The following CLIC4 variants were observed in gnomAD, a reference collection of about 807,000 sequenced individuals.
CLIC4 encodes the protein CLIC family member 4.
A neutral mutation model predicts 24.6 loss-of-function variants in CLIC4; 13 were observed. The ratio of observed to expected loss-of-function variants is 0.53; its 90% CI spans 0.34 to 0.84. The LOEUF (loss-of-function observed/expected upper bound fraction) is 0.84, where lower values mean the gene tolerates loss of function less well. CLIC4 is among the 40% of genes least tolerant of loss of function. The pLI is 0.01. For synonymous variants in CLIC4, 104 were observed against 111.3 expected, an observed-to-expected ratio of 0.93 and a Z score of 0.41; for missense variants, 227 against 301.7, an observed-to-expected ratio of 0.75 and a Z score of 1.83.
intron 4 of CLIC4, among the ~76,000 whole-genome samples, chr1:24,839,562 G>A (rs570537774): frequency 1.6e-4 from 25 of 152,260 alleles, no homozygotes; most frequent in Admixed American, 4.6e-4. Context: ...GCCTCCCAAA[G>A]TGCTGGGATT....
chr1:24,823,794 A>T (rs1437597291), intron 3 of CLIC4, among the ~76,000 whole-genome samples: 2 of 150,706 alleles, frequency 1.3e-5, no homozygotes, highest in East Asian at 3.9e-4. Context: ...AAAAAAAAAG[A>T]CATACAAAAA....
chr1:24,752,604 T>G (rs576268512), intron 1 of CLIC4, among the ~76,000 whole-genome samples: 34 of 152,338 alleles, frequency 2.2e-4, no homozygotes, highest in African/African-American at 7.0e-4. Context: ...CTTAATCACA[T>G]AGCTTCATCT....
intron 2 of CLIC4, among the ~76,000 whole-genome samples, chr1:24,812,807 C>A (rs184392954): frequency 5.9e-5 from 9 of 151,310 alleles, no homozygotes; most frequent in African/African-American, 2.2e-4. Flanking sequence ...TAACCTCCGC[C>A]TCCCGGGTTC....
Position 24,844,017 on chromosome 1 carries a change from G to A in CLIC4, c.*3080G>A, listed in dbSNP as rs1319117896. The A allele has an allele frequency of 6.6e-6, 1 of 152,410 alleles. No individual in the cohort carries two copies. The highest frequency in any genetic ancestry group is 1.5e-5 in the Non-Finnish European group (1 of 67,964). The allele number at this position is 152,410 out of a possible 1,614,324, so 9.4% of individuals were successfully genotyped here. A position where few individuals can be genotyped will look rare whatever the true frequency, so the allele number is the denominator to read the frequency against. The stretch of plus-strand genomic sequence containing the variant: ...GGAGCATCCATTATTGATACATGTG[G>A]GCTTTTAAAAACTCCATCCTTTATA... On this transcript the variant is annotated 3_prime_UTR_variant, in exon 6 of 6. Transcript: ENST00000374379.
chr1:24,799,810 G>A (rs867132166), intron 2 of CLIC4, among the ~76,000 whole-genome samples: 48 of 60,652 alleles, frequency 7.9e-4, no homozygotes, highest in African/African-American at 3.0e-3. Flanking sequence ...GCCTCTGCCC[G>A]GCCGCCCCTA....
chr1:24,794,226 G>C (rs1339633629), intron 1 of CLIC4, among the ~76,000 whole-genome samples: 1 of 152,104 alleles, frequency 6.6e-6, no homozygotes, highest in Non-Finnish European at 1.5e-5. Context: ...TTGCTGAGTC[G>C]AATGGTAGTT....
chr1:24,823,589 A>G (rs773927459), intron 3 of CLIC4, among the ~76,000 whole-genome samples: 15 of 152,288 alleles, frequency 9.8e-5, no homozygotes, highest in Non-Finnish European at 1.9e-4. Context: ...CCTGACCAAC[A>G]TGGTGAAACC....
intron 1 of CLIC4, among the ~76,000 whole-genome samples, chr1:24,779,144 A>G (rs1395177103): frequency 6.6e-6 from 1 of 152,238 alleles, no homozygotes; most frequent in Non-Finnish European, 1.5e-5. Context: ...CATGCTTGTT[A>G]TAAAAAGACA....
chr1:24,781,984 T>A (rs1394430770), intron 1 of CLIC4, among the ~76,000 whole-genome samples: 2 of 152,138 alleles, frequency 1.3e-5, no homozygotes, highest in African/African-American at 2.4e-5. Flanking sequence ...TATTGTACGC[T>A]TTATGGTTTT....
At chr1:24,799,322 C>T (rs570968790) in intron 2 of CLIC4, among the ~76,000 whole-genome samples, 11 of 148,328 alleles carry the variant, frequency 7.4e-5, no homozygotes, top group Admixed American at 2.0e-4. Flanking sequence ...ATGTGAGGAG[C>T]GCCTCTGCCC....
chr1:24,796,950 T>A (rs1639411372), intron 1 of CLIC4, among the ~76,000 whole-genome samples: 1 of 151,166 alleles, frequency 6.6e-6, no homozygotes, highest in Non-Finnish European at 1.5e-5. Context: ...TTTATTTTAT[T>A]TATTTATTTA....
At chr1:24,774,390 T>C (rs1639106772) in intron 1 of CLIC4, among the ~76,000 whole-genome samples, 11 of 152,276 alleles carry the variant, frequency 7.2e-5, no homozygotes, top group Admixed American at 6.5e-4. Flanking sequence ...TCTAAATAGT[T>C]GTATCTGAAA....
At chr1:24,818,314 G>A (rs1298769080) in intron 3 of CLIC4, among the ~76,000 whole-genome samples, 1 of 152,006 alleles carries the variant, frequency 6.6e-6, no homozygotes, top group Admixed American at 6.6e-5. Context: ...TGAGACAGAG[G>A]CTCACTCTGT....
chr1:24,774,214 A>G (rs1246929267), intron 1 of CLIC4, among the ~76,000 whole-genome samples: 3 of 151,936 alleles, frequency 2.0e-5, no homozygotes, highest in Admixed American at 6.5e-5. Context: ...GAGCTCAGGC[A>G]GTCCGCCTGC....
rs534666636 is a variant in CLIC4 at position 24,809,973 on chromosome 1, T to G, written c.183-4121T>G. On this transcript the variant is annotated intron_variant, in intron 2 of 5. Coordinates refer to ENST00000374379, the MANE Select transcript of CLIC4 (RefSeq NM_013943.3). ...AATTATGAAAGTTTTCAAACATGCA[T>G]AAGAATAGAATAAACTTCTCCGTAA... is the stretch of plus-strand genomic sequence containing the variant. 2.0e-5 allele frequency among the ~76,000 whole-genome samples: 3 copies of G among 152,378 alleles called. No individual in the cohort carries two copies. The East Asian group carries it at 5.8e-4, about 29-fold the overall frequency.
At chr1:24,797,606 C>T (rs1639419181) in intron 1 of CLIC4, 136 bp from the exon 2 acceptor site, 1 of 504,370 alleles carries the variant, frequency 2.0e-6, no homozygotes, top group Non-Finnish European at 3.4e-6. Context: ...ATAATAAAGA[C>T]CCAAATTTCT....
chr1:24,782,057 C>A lies in CLIC4; in HGVS notation c.73-15685C>A, dbSNP rs75360240. On this transcript the variant is annotated intron_variant, in intron 1 of 5. Coordinates refer to ENST00000374379, the MANE Select transcript of CLIC4 (RefSeq NM_013943.3). Reference sequence around the variant, plus strand: ...TAATTTGGTCATTTACTGAAAGAAACAGCAACAGATAACCTTTGAAAACTA... The same window carrying A: ...TAATTTGGTCATTTACTGAAAGAAAAAGCAACAGATAACCTTTGAAAACTA... Among the ~76,000 whole-genome samples, 1,013 of 152,268 alleles carry A rather than the reference C, an allele frequency of 6.7e-3. 6 individuals carry two copies. Among genetic ancestry groups the A allele is most frequent in the South Asian group, 0.017 (81 of 4,814 alleles).
At chr1:24,784,344 T>C (rs1285212217) in intron 1 of CLIC4, among the ~76,000 whole-genome samples, 2 of 152,204 alleles carry the variant, frequency 1.3e-5, no homozygotes, top group African/African-American at 4.8e-5. Context: ...AGGCCCAGTT[T>C]TTCAGTCACT....
At chr1:24,794,056 T>A (rs1337047582) in intron 1 of CLIC4, among the ~76,000 whole-genome samples, 2 of 152,226 alleles carry the variant, frequency 1.3e-5, no homozygotes, top group African/African-American at 4.8e-5. Context: ...CTCTCTTTCC[T>A]TCCCATCTCT....
Sources: gnomAD v4.1 joint callset for allele counts (sites outside exome capture counted in the v4.1 genomes callset) on GRCh38, gnomAD v4.1.1 for gene constraint, MANE v1.5 for transcripts, NCBI Gene and HGNC (gene_info 2026-07-23, HGNC 2026-07-21) for gene names.